Variants in DISC1 observed in about 807,000 individuals in gnomAD.
DISC1 encodes the protein disrupted in schizophrenia 1 protein.
DISC1 carries 57 observed loss-of-function variants against 84.5 expected under a neutral mutation model. The ratio of observed to expected loss-of-function variants is 0.67; its 90% CI spans 0.55 to 0.84. DISC1 has a LOEUF of 0.84. Among genes scored for constraint, DISC1 ranks in the 40% least tolerant of loss-of-function variants. The pLI is 0.00. For synonymous variants in DISC1, 411 were observed against 415.2 expected, an observed-to-expected ratio of 0.99 and a Z score of 0.12; for missense variants, 1,000 against 1,057.8, an observed-to-expected ratio of 0.95 and a Z score of 0.76.
chr1:232,030,518 G>T (rs1244964391), intron 12 of DISC1, among the ~76,000 whole-genome samples: 1 of 152,268 alleles, frequency 6.6e-6, no homozygotes, highest in East Asian at 1.9e-4. Context: ...ATCCATGTCT[G>T]GGAAGCCCTT....
chr1:231,996,515 ATAC>A (rs910897311), intron 10 of DISC1, among the ~76,000 whole-genome samples: 46 of 152,170 alleles, frequency 3.0e-4, no homozygotes, highest in African/African-American at 1.1e-3. Flanking sequence ...ATGGAGTAAA[ATAC>A]TAATGCCCTT....
intron 10 of DISC1, among the ~76,000 whole-genome samples, chr1:231,975,379 T>G (rs921012180): frequency 1.3e-5 from 2 of 152,106 alleles, no homozygotes; most frequent in Non-Finnish European, 2.9e-5. Flanking sequence ...CGGTGGAAAT[T>G]TAAATTAGTA....
chr1:231,912,198 G>A (rs753531072), intron 9 of DISC1, among the ~76,000 whole-genome samples: 6 of 152,080 alleles, frequency 3.9e-5, no homozygotes, highest in Non-Finnish European at 5.9e-5. Context: ...GTCATTCTCC[G>A]TCCAGCTTTG....
chr1:231,705,320 T>TAAAA (rs1267982742), intron 3 of DISC1, among the ~76,000 whole-genome samples: 1 of 58,004 alleles, frequency 1.7e-5, no homozygotes, highest in African/African-American at 9.1e-5. Context: ...AAAAAAATCA[T>TAAAA]TAAAAAAAAA....
intron 9 of DISC1, among the ~76,000 whole-genome samples, chr1:231,945,752 G>A (rs972694914): frequency 2.0e-5 from 3 of 151,894 alleles, no homozygotes; most frequent in Non-Finnish European, 2.9e-5. Context: ...AAGAATCAAA[G>A]AGACGCAATA....
At chr1:232,002,560 C>T (rs76707480) in intron 10 of DISC1, among the ~76,000 whole-genome samples, 7,002 of 150,162 alleles carry the variant, frequency 0.047, 532 homozygotes, top group African/African-American at 0.16. Context: ...AAGGAATAAA[C>T]AATTGATACA....
intron 9 of DISC1, among the ~76,000 whole-genome samples, chr1:231,868,692 T>TATA (rs2085226389): frequency 1.8e-5 from 2 of 108,842 alleles, no homozygotes; most frequent in African/African-American, 6.3e-5. Context: ...ACCCCATCTC[T>TATA]TATATATATA....
intron 6 of DISC1, among the ~76,000 whole-genome samples, chr1:231,789,047 A>G (rs886377231): frequency 6.6e-6 from 1 of 152,276 alleles, no homozygotes; most frequent in African/African-American, 2.4e-5. Flanking sequence ...AAAGGCAGAA[A>G]TAAATAACAA....
In DISC1 at chr1:231,868,692, T is replaced by TTATA. The variant is rs58636016; in HGVS notation, c.1981+50215_1981+50218dup. ...GGGCAACATAGCAAGACCCCATCTCTTATATATATATATATATATATATAT... is the reference window on the plus strand; with the variant it reads ...GGGCAACATAGCAAGACCCCATCTCTTATATATATATATATATATATATATATAT... On this transcript the variant is annotated intron_variant, in intron 9 of 12. Coordinates refer to ENST00000439617, the MANE Select transcript of DISC1 (RefSeq NM_018662.3). Among the ~76,000 whole-genome samples the TTATA allele has an allele frequency of 9.0e-3, 983 of 108,626 alleles. 7 individuals carry two copies. The highest frequency in any genetic ancestry group is 0.014 in the Non-Finnish European group (737 of 52,214). 71.3% of individuals were successfully genotyped at this position (108,626 alleles called of 152,430 possible). A position where few individuals can be genotyped will look rare whatever the true frequency, so the allele number is the denominator to read the frequency against.
chr1:231,646,638 G>A (rs956112127), intron 1 of DISC1, among the ~76,000 whole-genome samples: 3 of 152,204 alleles, frequency 2.0e-5, no homozygotes, highest in African/African-American at 7.2e-5. Flanking sequence ...TCGCCGCACT[G>A]TCTTCCACAA....
intron 10 of DISC1, among the ~76,000 whole-genome samples, chr1:231,994,431 T>G (rs2102932331): frequency 6.6e-6 from 1 of 152,342 alleles, no homozygotes; most frequent in Non-Finnish European, 1.5e-5. Context: ...TCCCTCTCTG[T>G]TCTATTGATT....
At chr1:231,884,446 G>C (rs1574400399) in intron 9 of DISC1, among the ~76,000 whole-genome samples, 1 of 152,112 alleles carries the variant, frequency 6.6e-6, no homozygotes, top group Admixed American at 6.5e-5. Flanking sequence ...TTTTGTGGCT[G>C]TGTAGTATAC....
At chr1:232,008,669 A>T in intron 10 of DISC1, 116 bp from the exon 11 acceptor site, 3 of 1,216,698 alleles carry the variant, frequency 2.5e-6, no homozygotes, top group Non-Finnish European at 3.4e-6. Context: ...CTGTGAAATT[A>T]AGTCATCAAG....
intron 9 of DISC1, among the ~76,000 whole-genome samples, chr1:231,867,633 G>C (rs1045533224): frequency 1.3e-5 from 2 of 152,148 alleles, no homozygotes; most frequent in African/African-American, 4.8e-5. Context: ...ATGAGTCTTG[G>C]GCACACAGCC....
At chr1:231,968,313 A>G (rs537733550) in intron 10 of DISC1, among the ~76,000 whole-genome samples, 1 of 152,268 alleles carries the variant, frequency 6.6e-6, no homozygotes, top group East Asian at 1.9e-4. Flanking sequence ...CTTCAAAACA[A>G]GAAAAGAAGC....
At chr1:231,843,203 A>G (rs2083201892) in intron 9 of DISC1, among the ~76,000 whole-genome samples, 1 of 152,196 alleles carries the variant, frequency 6.6e-6, no homozygotes, top group Non-Finnish European at 1.5e-5. Flanking sequence ...AAAGTATGGA[A>G]AGCCCATTTG....
intron 9 of DISC1, among the ~76,000 whole-genome samples, chr1:231,864,388 G>A (rs1389315348): frequency 6.6e-6 from 1 of 152,186 alleles, no homozygotes; most frequent in Non-Finnish European, 1.5e-5. Flanking sequence ...GGTGGGCCGG[G>A]CGCAGTGGCT....
At chr1:231,891,243 T>C (rs1204303202) in intron 9 of DISC1, among the ~76,000 whole-genome samples, 1 of 152,080 alleles carries the variant, frequency 6.6e-6, no homozygotes, top group Non-Finnish European at 1.5e-5. Flanking sequence ...AAAAATCTCA[T>C]AATATTTTAA....
chr1:231,680,367 T>C (rs1235286355), intron 1 of DISC1, among the ~76,000 whole-genome samples: 1 of 152,184 alleles, frequency 6.6e-6, no homozygotes, highest in Non-Finnish European at 1.5e-5. Flanking sequence ...AATGCTTTCT[T>C]ATATCTCAGA....
Sources: allele counts gnomAD v4.1 joint callset (sites outside exome capture counted in the v4.1 genomes callset), GRCh38; gene constraint gnomAD v4.1.1; transcripts MANE v1.5; gene names NCBI Gene and HGNC (gene_info 2026-07-23, HGNC 2026-07-21).